XKRX: variants seen among roughly 807,000 people sequenced by gnomAD.
The protein encoded by XKRX is XK-related protein 2.
A neutral mutation model predicts 22.4 loss-of-function variants in XKRX; 11 were observed. The observed-to-expected ratio is 0.49, with a 90% confidence interval of 0.31 to 0.81. XKRX has a LOEUF of 0.81. Ranked by LOEUF, XKRX falls within the 40% of genes least tolerant of loss-of-function variation. The probability of loss-of-function intolerance (pLI) is 0.05; values close to 1 mark genes in which losing one functional copy is unlikely to be tolerated. For synonymous variants in XKRX, 114 were observed against 132.2 expected (o/e 0.86, Z 0.94); for missense variants, 320 against 336.5 (o/e 0.95, Z 0.38).
At chrX:100,954,440 A>G in the XKRX span, among the ~76,000 whole-genome samples, 1 of 111,180 alleles carries the variant, frequency 9.0e-6, no homozygotes, top group Non-Finnish European at 1.9e-5. Context: ...AAAGTGGCAA[A>G]ATTGGAACCT....
chrX:100,922,966 T>C lies in XKRX; in HGVS notation c.431A>G (p.Asp144Gly). The stretch of plus-strand genomic sequence containing the variant: ...CCATTCTATCAGCACCTCCTCGCCA[T>C]CTATTAGCATCTTCTTTCGGGTGAG... ...VSLTRKKMLI[D>G]GEEVLIEWEV... Residue 144 changes from aspartate to glycine, a missense_variant, in exon 2 of 3, where the codon GAT (aspartate) becomes GGT (glycine). By Grantham distance (94) the Asp-to-Gly change is moderately conservative. Coordinates refer to ENST00000372956, the MANE Select transcript of XKRX (RefSeq NM_212559.3). 1 of 1,211,676 alleles carries C rather than the reference T, an allele frequency of 8.3e-7. No homozygotes were observed. Among genetic ancestry groups the C allele is most frequent in the Non-Finnish European group, 1.1e-6 (1 of 895,506 alleles).
the XKRX span, among the ~76,000 whole-genome samples, chrX:100,946,987 C>G: frequency 2.7e-5 from 3 of 112,336 alleles, no homozygotes; most frequent in Admixed American, 1.9e-4. Context: ...CTGTATTCCT[C>G]TGACCAAGCC....
At chrX:100,931,025 G>A (rs1031827138), upstream of XKRX, among the ~76,000 whole-genome samples, 10 of 109,005 alleles carry the variant, frequency 9.2e-5, no homozygotes, top group African/African-American at 3.0e-4. Flanking sequence ...CCAGCTACTC[G>A]GGAGGCTGAG....
chrX:100,932,317 C>A (rs1384246173), upstream of XKRX, among the ~76,000 whole-genome samples: 1 of 111,404 alleles, frequency 9.0e-6, no homozygotes, highest in East Asian at 2.8e-4. Context: ...TGTTGGCAGT[C>A]ATAAGGCTGC....
At chrX:100,900,875 T>C in the XKRX span, among the ~76,000 whole-genome samples, 17,147 of 103,778 alleles carry the variant, frequency 0.17, 1,214 homozygotes, top group Non-Finnish European at 0.19. Context: ...CTGCAAGCTC[T>C]GCCTCCCGGG....
the XKRX span, among the ~76,000 whole-genome samples, chrX:100,958,956 A>G: frequency 2.7e-5 from 3 of 112,054 alleles, no homozygotes; most frequent in Non-Finnish European, 5.6e-5. Flanking sequence ...TATTAATTCA[A>G]TATTATAATA....
downstream of XKRX, chrX:100,910,726 T>C (rs1405894205): frequency 7.9e-6 from 5 of 633,467 alleles, no homozygotes; most frequent in Non-Finnish European, 1.2e-5. Flanking sequence ...ACAGAACGAA[T>C]ATATTGAATT....
At chrX:100,930,324 T>TG (rs1339931087), upstream of XKRX, among the ~76,000 whole-genome samples, 412 of 101,827 alleles carry the variant, frequency 4.0e-3, 3 homozygotes, top group African/African-American at 0.012. Flanking sequence ...ATAATAATAA[T>TG]AATGATGATT....
At chrX:100,947,919 T>G in the XKRX span, among the ~76,000 whole-genome samples, 1 of 109,891 alleles carries the variant, frequency 9.1e-6, no homozygotes, top group Non-Finnish European at 1.9e-5. Flanking sequence ...TTTTTTTTTT[T>G]GGAGACAGGG....
upstream of XKRX, chrX:100,929,313 C>T (rs1050947049): frequency 2.7e-5 from 3 of 111,732 alleles, no homozygotes; most frequent in African/African-American, 9.8e-5. Flanking sequence ...CGGAGAGTTC[C>T]CGGGCAGGCG....
At chrX:100,931,454 C>G (rs756698429), upstream of XKRX, among the ~76,000 whole-genome samples, 222 of 111,256 alleles carry the variant, frequency 2.0e-3, 4 homozygotes, top group Middle Eastern at 4.6e-3. Context: ...CTTGTTGATG[C>G]GATTTACAAC....
rs1416763981 is a variant in XKRX at position 100,913,779 on chromosome X, T to C, written c.*559A>G. ...CACTAGTAAAATCCTAACAGAGAGCTAATCTGCTTGGGGAGCAGCTTTTTT... is the reference window on the plus strand; with the variant it reads ...CACTAGTAAAATCCTAACAGAGAGCCAATCTGCTTGGGGAGCAGCTTTTTT... On this transcript the variant is annotated 3_prime_UTR_variant, in exon 3 of 3. Coordinates refer to ENST00000372956, the MANE Select transcript of XKRX (RefSeq NM_212559.3). The C allele has an allele frequency of 8.8e-6, 1 of 113,990 alleles. No individual in the cohort carries two copies. Among genetic ancestry groups the C allele is most frequent in the Non-Finnish European group, 1.8e-5 (1 of 54,307 alleles). The allele number at this position is 113,990 out of a possible 1,213,427, so 9.4% of individuals were successfully genotyped here.
the XKRX span, among the ~76,000 whole-genome samples, chrX:100,952,646 C>T: frequency 9.0e-6 from 1 of 110,827 alleles, no homozygotes; most frequent in East Asian, 2.8e-4. Context: ...CAAAACAAAA[C>T]AAAAAAAACC....
rs749824541 is a variant in XKRX, at chrX:100,914,309, A to T, written c.*29T>A. 8.4e-7 allele frequency: 1 copy of T among 1,191,529 alleles called. No individual in the cohort carries two copies. Among genetic ancestry groups the T allele is most frequent in the South Asian group, 1.9e-5 (1 of 53,853 alleles). ...TCATGGTTACTCTTGGCAACTCCCA[A>T]CTCTTCCTAAAATACCCAGAAAATA... is the stretch of plus-strand genomic sequence containing the variant. On this transcript the variant is annotated 3_prime_UTR_variant, in exon 3 of 3. Transcript: ENST00000372956.
chrX:100,924,638 G>A (rs1208582029), intron 1 of XKRX, among the ~76,000 whole-genome samples: 1 of 112,083 alleles, frequency 8.9e-6, no homozygotes, highest in African/African-American at 3.2e-5. Context: ...AACATTTGTA[G>A]TGGACATTAA....
At chrX:100,950,176 T>C in the XKRX span, among the ~76,000 whole-genome samples, 1 of 110,952 alleles carries the variant, frequency 9.0e-6, no homozygotes, top group Non-Finnish European at 1.9e-5. Flanking sequence ...AGCAGAAAAA[T>C]AGAAAGACTA....
chrX:100,959,271 C>T, the XKRX span, among the ~76,000 whole-genome samples: 1 of 111,114 alleles, frequency 9.0e-6, no homozygotes, highest in East Asian at 2.8e-4. Context: ...ATGTTTTTGA[C>T]GTTTATTAAA....
chrX:100,887,499 T>C, the XKRX span: 5 of 405,527 alleles, frequency 1.2e-5, no homozygotes, highest in African/African-American at 1.2e-4. Flanking sequence ...ACATGAATAT[T>C]TGTCTAAAAT....
the XKRX span, among the ~76,000 whole-genome samples, chrX:100,958,037 T>G: frequency 1.8e-5 from 2 of 111,802 alleles, no homozygotes; most frequent in Admixed American, 1.9e-4. Flanking sequence ...AGAGGATAAT[T>G]ATTTGACACA....
Sources: allele counts gnomAD v4.1 joint callset (sites outside exome capture counted in the v4.1 genomes callset), GRCh38; gene constraint gnomAD v4.1.1; transcripts MANE v1.5; gene names NCBI Gene and HGNC (gene_info 2026-07-23, HGNC 2026-07-21).